The following TOM1L2 variants were observed in gnomAD, a reference collection of about 807,000 sequenced individuals.
The protein encoded by TOM1L2 is target of myb1 like 2 membrane trafficking protein, also known as TOM1-like protein 2.
Under a neutral mutation model 67.9 loss-of-function variants are expected in TOM1L2, and 31 were observed. The ratio of observed to expected loss-of-function variants is 0.46; its 90% CI spans 0.34 to 0.62. The LOEUF (loss-of-function observed/expected upper bound fraction) is 0.62, where lower values mean the gene tolerates loss of function less well. Among genes scored for constraint, TOM1L2 ranks in the 20% least tolerant of loss-of-function variants. The pLI, the probability that TOM1L2 is intolerant of heterozygous loss-of-function variation, is 0.01. For missense variants in TOM1L2, 606 were observed against 663.5 expected (o/e 0.91, Z 0.95); for synonymous variants, 256 against 254.0 (o/e 1.01, Z -0.07).
intron 1 of TOM1L2, among the ~76,000 whole-genome samples, chr17:17,913,220 A>AGGGAGACCGTGGGGAGACGG (rs1483992509): frequency 1.3e-5 from 2 of 149,642 alleles, no homozygotes; most frequent in African/African-American, 2.5e-5. Flanking sequence ...GGAGAGGGAG[A>AGGGAGACCGTGGGGAGACGG]GGGAGACCGT....
chr17:17,972,396 C>T lies in TOM1L2; in HGVS notation c.-83G>A. The T allele has an allele frequency of 7.9e-6, 12 of 1,525,852 alleles. No individual in the cohort carries two copies. The highest frequency in any genetic ancestry group is 1.1e-5 in the Non-Finnish European group (12 of 1,127,426). The allele number at this position is 1,525,852 out of a possible 1,614,324, so 94.5% of individuals were successfully genotyped here. A position where few individuals can be genotyped will look rare whatever the true frequency, so the allele number is the denominator to read the frequency against. On this transcript the variant is annotated 5_prime_UTR_variant, in exon 1 of 15. Coordinates refer to ENST00000379504, the MANE Select transcript of TOM1L2 (RefSeq NM_001082968.2). The stretch of plus-strand genomic sequence containing the variant: ...GTAACCCGCCGGACTCCCGTCCTGA[C>T]TGACACTTGCCCCCTCCCCACTCTC...
At chr17:17,956,982 G>A (rs1236418288) in intron 1 of TOM1L2, among the ~76,000 whole-genome samples, 1 of 152,216 alleles carries the variant, frequency 6.6e-6, no homozygotes, top group African/African-American at 2.4e-5. Context: ...GGCTGAGGAG[G>A]CGCCTGAGAG....
intron 1 of TOM1L2, among the ~76,000 whole-genome samples, chr17:17,952,396 T>C (rs2041246672): frequency 7.4e-6 from 1 of 135,790 alleles, no homozygotes; most frequent in African/African-American, 2.8e-5. Flanking sequence ...TTTTTTTTTT[T>C]TTTTTTTTTT....
chr17:17,906,817 G>T (rs1291718630), intron 2 of TOM1L2, among the ~76,000 whole-genome samples: 1 of 152,232 alleles, frequency 6.6e-6, no homozygotes, highest in African/African-American at 2.4e-5. Flanking sequence ...AAGAGGGCAT[G>T]GCTACAGTAA....
intron 1 of TOM1L2, among the ~76,000 whole-genome samples, chr17:17,948,387 AC>A (rs1306036561): frequency 6.6e-6 from 1 of 152,138 alleles, no homozygotes; most frequent in Admixed American, 6.5e-5. Context: ...GGTGGCTCAC[AC>A]CTGTAATCAC....
chr17:17,944,860 G>A (rs1173685585), intron 1 of TOM1L2, among the ~76,000 whole-genome samples: 1 of 152,170 alleles, frequency 6.6e-6, no homozygotes, highest in Admixed American at 6.5e-5. Flanking sequence ...ATGTCTGCCT[G>A]ATGGCAATGG....
Position 17,845,791 on chromosome 17 carries a change from G to C in TOM1L2, c.*1844C>G, listed in dbSNP as rs1884570880. ...GCTGGCCTCAGGGGGGTCTGTCTTTGAGAAACATTGAGGAGGCAGGGGCTC... is the reference window on the plus strand; with the variant it reads ...GCTGGCCTCAGGGGGGTCTGTCTTTCAGAAACATTGAGGAGGCAGGGGCTC... On this transcript the variant is annotated 3_prime_UTR_variant, in exon 15 of 15. Coordinates refer to ENST00000379504, the MANE Select transcript of TOM1L2 (RefSeq NM_001082968.2). The C allele has an allele frequency of 6.6e-6, 1 of 152,330 alleles. No individual in the cohort carries two copies. Among genetic ancestry groups the C allele is most frequent in the African/African-American group, 2.4e-5 (1 of 41,446 alleles). 9.4% of individuals were successfully genotyped at this position (152,330 alleles called of 1,614,324 possible). A position where few individuals can be genotyped will look rare whatever the true frequency, so the allele number is the denominator to read the frequency against.
At chr17:17,880,962 G>C (rs889486914) in intron 6 of TOM1L2, among the ~76,000 whole-genome samples, 2 of 152,094 alleles carry the variant, frequency 1.3e-5, no homozygotes, top group Admixed American at 1.3e-4. Flanking sequence ...AACCACTCCC[G>C]CCTCCTCAGG....
At chr17:17,905,297 C>A (rs77840825) in intron 2 of TOM1L2, among the ~76,000 whole-genome samples, 1 of 152,216 alleles carries the variant, frequency 6.6e-6, no homozygotes, top group Non-Finnish European at 1.5e-5. Context: ...CTTCCAGGAG[C>A]CTGGCTGGCA....
At position 17,869,285 on chromosome 17, in the gene TOM1L2, T is replaced by A. The variant is rs774179630; in HGVS notation, c.911+55A>T. ...TTTGTTTATGAAAGAAATCCCTCTG[T>A]TATGGCAACAATCTTTTCAAGGGAA... is the stretch of plus-strand genomic sequence containing the variant. On this transcript the variant is annotated intron_variant, in intron 8 of 14. Transcript: ENST00000379504. The A allele has an allele frequency of 6.2e-5, 98 of 1,589,094 alleles. No homozygotes were observed. The Admixed American group carries it at 8.7e-4, about 14-fold the overall frequency.
intron 1 of TOM1L2, among the ~76,000 whole-genome samples, chr17:17,923,761 G>A (rs1310212878): frequency 6.6e-6 from 1 of 152,102 alleles, no homozygotes; most frequent in Non-Finnish European, 1.5e-5. Flanking sequence ...ATACTTGGGA[G>A]GCAAGAGGAT....
At chr17:17,861,597 G>T in intron 11 of TOM1L2, 46 bp from the exon 12 acceptor site, 1 of 1,522,730 alleles carries the variant, frequency 6.6e-7, no homozygotes, top group Non-Finnish European at 9.1e-7. Flanking sequence ...TTCCTCCAGT[G>T]GTCATGGAGG....
At chr17:17,868,571 G>T (rs571490515) in intron 8 of TOM1L2, among the ~76,000 whole-genome samples, 280 of 152,176 alleles carry the variant, frequency 1.8e-3, no homozygotes, top group African/African-American at 6.2e-3. Context: ...CCTGATCATG[G>T]TCCTTTCTGG....
At position 17,887,572 on chromosome 17, in the gene TOM1L2, C is replaced by A. The variant is rs528238530; in HGVS notation, c.367-2804G>T. On this transcript the variant is annotated intron_variant, in intron 4 of 14. Transcript: ENST00000379504. ...GCTCACTGCAACCTCTGCCTCCGGG[C>A]TCAAGCAATCCTCCCACTTTAGCCT... Among the ~76,000 whole-genome samples the A allele has an allele frequency of 3.3e-5, 5 of 152,318 alleles. No individual in the cohort carries two copies. The East Asian group carries it at 9.6e-4, about 29-fold the overall frequency.
chr17:17,863,914 TG>T (rs992186866), intron 10 of TOM1L2, among the ~76,000 whole-genome samples: 1 of 152,142 alleles, frequency 6.6e-6, no homozygotes, highest in African/African-American at 2.4e-5. Flanking sequence ...ATGCCCAAGC[TG>T]GAGTGCAGTG....
chr17:17,929,448 G>T (rs1473906525), intron 1 of TOM1L2, among the ~76,000 whole-genome samples: 1 of 152,042 alleles, frequency 6.6e-6, no homozygotes, highest in Admixed American at 6.6e-5. Flanking sequence ...CCTGACCAAC[G>T]TGGAGAAACC....
chr17:17,906,622 A>T (rs1748016127), intron 2 of TOM1L2, among the ~76,000 whole-genome samples: 1 of 152,184 alleles, frequency 6.6e-6, no homozygotes. Context: ...CTGTGTCCTC[A>T]GTATTTACAA....
At position 17,848,021 on chromosome 17, in the gene TOM1L2, C is replaced by T. The variant is rs539840665; in HGVS notation, c.1376-238G>A. Among the ~76,000 whole-genome samples, 6 of 152,046 alleles carry T rather than the reference C, an allele frequency of 3.9e-5. No homozygotes were observed. In the South Asian group the frequency reaches 1.2e-3, roughly 32 times the overall value. On this transcript the variant is annotated intron_variant, in intron 14 of 14. Coordinates refer to ENST00000379504, the MANE Select transcript of TOM1L2 (RefSeq NM_001082968.2). ...ACACAGCCCAGAGTGCTCACCCTAC[C>T]GCTGACCATTTTCCAGATCAGCACT...
chr17:17,844,537 A>C lies in TOM1L2; in HGVS notation c.*3098T>G, dbSNP rs188968852. 1 of 152,512 alleles carries C rather than the reference A, an allele frequency of 6.6e-6. No individual in the cohort carries two copies. Among genetic ancestry groups the C allele is most frequent in the Admixed American group, 6.5e-5 (1 of 15,308 alleles). The allele number at this position is 152,512 out of a possible 1,614,324, so 9.4% of individuals were successfully genotyped here. ...GGATGGTCACCTTTCCCTCTAGCCC[A>C]GGCCAGCAACAACCCCTTGAGGCTC... is the stretch of plus-strand genomic sequence containing the variant. On this transcript the variant is annotated 3_prime_UTR_variant, in exon 15 of 15. Coordinates refer to ENST00000379504, the MANE Select transcript of TOM1L2 (RefSeq NM_001082968.2).
Sources: allele counts gnomAD v4.1 joint callset (sites outside exome capture counted in the v4.1 genomes callset), GRCh38; gene constraint gnomAD v4.1.1; transcripts MANE v1.5; gene names NCBI Gene and HGNC (gene_info 2026-07-23, HGNC 2026-07-21).